SIGLEC8: variants seen among roughly 807,000 people sequenced by gnomAD.
SIGLEC8 encodes the protein sialic acid binding Ig like lectin 8.
SIGLEC8 carries 32 observed loss-of-function variants against 42.1 expected under a neutral mutation model. The observed-to-expected ratio is 0.76, with a 90% CI of 0.57 to 1.02. SIGLEC8 has a LOEUF of 1.02. Among genes scored for constraint, SIGLEC8 ranks in the 50% least tolerant of loss-of-function variants. The pLI is 0.00. For missense variants in SIGLEC8, 611 were observed against 610.2 expected (o/e 1.00, Z -0.01); for synonymous variants, 262 against 260.3 (o/e 1.01, Z -0.06).
intron 3 of SIGLEC8, among the ~76,000 whole-genome samples, chr19:51,456,646 C>G (rs954930807): frequency 6.6e-6 from 1 of 152,196 alleles, no homozygotes; most frequent in Non-Finnish European, 1.5e-5. Context: ...TGTCAAACCA[C>G]CTCTGAGATC....
At chr19:51,452,718 T>C in intron 6 of SIGLEC8, 85 bp from the exon 7 acceptor site, 1 of 1,280,898 alleles carries the variant, frequency 7.8e-7, no homozygotes, top group South Asian at 2.3e-5. Flanking sequence ...GCCCAGGAGG[T>C]CCGTCCTCCA....
At chr19:51,455,243 C>T (rs548055543) in intron 4 of SIGLEC8, among the ~76,000 whole-genome samples, 175 bp downstream of exon 4, 5 of 152,330 alleles carry the variant, frequency 3.3e-5, no homozygotes, top group African/African-American at 1.2e-4. Flanking sequence ...TCTCCCCACC[C>T]CGCACCCCTT....
chr19:51,454,266 C>A lies in SIGLEC8; in HGVS notation c.1198G>T (p.Asp400Tyr). 1 of 1,614,082 alleles carries A rather than the reference C, an allele frequency of 6.2e-7. No individual in the cohort carries two copies. The highest frequency in any genetic ancestry group is 8.5e-7 in the Non-Finnish European group (1 of 1,180,024). Residue 400 changes from aspartate to tyrosine, a missense_variant, in exon 6 of 7, where the codon GAT becomes TAT. Asp to Tyr is a radical substitution (Grantham distance 160). Transcript: ENST00000321424. This position sits in a 1 kb window ranked among gnomAD's most constrained non-coding sequence, Gnocchi z 4.7. Reference protein sequence around the residue: ...KSARPAAGVGDTGMEDAKAIR... With the variant: ...KSARPAAGVGYTGMEDAKAIR... Reference sequence around the variant, plus strand: ...GCCTTTGCATCTTCCATGCCTGTATCCCCCACGCCCGCTGCTGGCCTTGCC... The same window carrying A: ...GCCTTTGCATCTTCCATGCCTGTATACCCCACGCCCGCTGCTGGCCTTGCC...
At position 51,457,489 on chromosome 19, in the gene SIGLEC8, C is replaced by T. The variant is rs547613398; in HGVS notation, c.705G>A (p.Thr235=). ...QVTLPGTGVT[T]TSTVRLDVSY... ...ACACATCGAGGCGGACGGTACTGGT[C>T]GTGGTCACACCTGTCCCAGGCAAGG... The change falls in exon 2 of 7, where the codon ACG becomes ACA. Residue 235 remains threonine, a synonymous_variant. Transcript: ENST00000321424. The T allele has an allele frequency of 2.2e-5, 36 of 1,613,764 alleles. No homozygotes were observed. Among genetic ancestry groups the T allele is most frequent in the African/African-American group, 6.7e-5 (5 of 75,008 alleles).
At position 51,454,842 on chromosome 19, in the gene SIGLEC8, C is replaced by G. The variant is rs1389584861; in HGVS notation, c.1052-62G>C. The G allele has an allele frequency of 8.2e-7, 1 of 1,213,390 alleles. No homozygotes were observed. The highest frequency in any genetic ancestry group is 2.3e-5 in the East Asian group (1 of 42,790). 75.2% of individuals were successfully genotyped at this position (1,213,390 alleles called of 1,614,324 possible). On this transcript the variant is annotated intron_variant, in intron 4 of 6. Coordinates refer to ENST00000321424, the MANE Select transcript of SIGLEC8 (RefSeq NM_014442.3). This position sits in a 1 kb window ranked among gnomAD's most constrained non-coding sequence, Gnocchi z 4.7. ...CACGGAGAAGTGGGTCTCTTCCCCTCCCACTGTCTGCAGGGCCCTAGACTT... is the reference window on the plus strand; with the variant it reads ...CACGGAGAAGTGGGTCTCTTCCCCTGCCACTGTCTGCAGGGCCCTAGACTT...
Position 51,453,096 on chromosome 19 carries a change from G to GTT in SIGLEC8, c.1246-465_1246-464dup, listed in dbSNP as rs111880445. ...TTGTTTTGTTTTGTTTTGTTTTTTGGTTTTTTTTTTGAGACAGAGTCTGGC... is the reference window on the plus strand; with the variant it reads ...TTGTTTTGTTTTGTTTTGTTTTTTGGTTTTTTTTTTTTGAGACAGAGTCTGGC... On this transcript the variant is annotated intron_variant, in intron 6 of 6. Coordinates refer to ENST00000321424, the MANE Select transcript of SIGLEC8 (RefSeq NM_014442.3). Among the ~76,000 whole-genome samples, 5 of 149,556 alleles carry GTT rather than the reference G, an allele frequency of 3.3e-5. No individual in the cohort carries two copies. In the East Asian group the frequency reaches 5.9e-4, roughly 18 times the overall value.
intron 2 of SIGLEC8, 105 bp downstream of exon 2, chr19:51,457,356 G>A (rs778349051): frequency 1.3e-6 from 2 of 1,513,166 alleles, no homozygotes; most frequent in Non-Finnish European, 1.8e-6. Context: ...TCCCAGCCCA[G>A]ATTCTGGGAC....
At position 51,454,409 on chromosome 19, in the gene SIGLEC8, AG is replaced by A. The variant is rs1188956427; in HGVS notation, c.1149-95del. The A allele has an allele frequency of 6.2e-7, 1 of 1,606,502 alleles. No individual in the cohort carries two copies. Among genetic ancestry groups the A allele is most frequent in the Non-Finnish European group, 8.5e-7 (1 of 1,177,622 alleles). On this transcript the variant is annotated intron_variant, in intron 5 of 6. Transcript: ENST00000321424. This position sits in a 1 kb window ranked among gnomAD's most constrained non-coding sequence, Gnocchi z 4.7. ...CCCTGTATTTCCTACTGGGGGCTTGAGGGGTGACCGAGGCGCAACGGCGGTG... is the reference window on the plus strand; with the variant it reads ...CCCTGTATTTCCTACTGGGGGCTTGAGGGTGACCGAGGCGCAACGGCGGTG...
intron 6 of SIGLEC8, chr19:51,453,465 A>G: frequency 2.3e-6 from 2 of 855,164 alleles, no homozygotes; most frequent in Non-Finnish European, 2.8e-6. Context: ...TGGGAGGCTG[A>G]GGCGGGCGGA....
intron 3 of SIGLEC8, among the ~76,000 whole-genome samples, chr19:51,456,489 A>T (rs1168328593): frequency 6.6e-6 from 1 of 152,220 alleles, no homozygotes; most frequent in Non-Finnish European, 1.5e-5. Context: ...TTCCTGTGGA[A>T]GTAGATACAA....
Position 51,452,498 on chromosome 19 carries a change from G to C in SIGLEC8, c.1381C>G (p.Gln461Glu), listed in dbSNP as rs1463728901. 3 of 1,610,712 alleles carry C rather than the reference G, an allele frequency of 1.9e-6. No individual in the cohort carries two copies. The highest frequency in any genetic ancestry group is 2.5e-6 in the Non-Finnish European group (3 of 1,177,258). ...SFHKVKPQDP[Q>E]GQEATDSEYS... Reference sequence around the variant, plus strand: ...TCACTGTCAGTGGCCTCCTGTCCCTGCGGGTCCTGAGGCTTCACTTTATGG... The same window carrying C: ...TCACTGTCAGTGGCCTCCTGTCCCTCCGGGTCCTGAGGCTTCACTTTATGG... The change falls in exon 7 of 7, where the codon CAG (glutamine) becomes GAG (glutamate). Residue 461 changes from glutamine (Q) to glutamate (E), a missense_variant. By Grantham distance (29) the Gln-to-Glu change is conservative. Coordinates refer to ENST00000321424, the MANE Select transcript of SIGLEC8 (RefSeq NM_014442.3).
chr19:51,457,788 C>A (rs543917572), intron 1 of SIGLEC8, 49 bp from the exon 2 acceptor site: 13 of 1,554,784 alleles, frequency 8.4e-6, no homozygotes, highest in Non-Finnish European at 1.1e-5. Context: ...TCAGGTGCAG[C>A]CCTGGAGGAA....
chr19:51,451,309 TCAAA>T lies in SIGLEC8; in HGVS notation c.*1066_*1069del, dbSNP rs1224734306. ...TGGGTGGGGACACAGCCAAACCATA[TCAAA>T]CAAACAACCTGCAATAAAAAAAAAC... On this transcript the variant is annotated 3_prime_UTR_variant, in exon 7 of 7. Coordinates refer to ENST00000321424, the MANE Select transcript of SIGLEC8 (RefSeq NM_014442.3). 2.0e-5 allele frequency: 3 copies of T among 149,836 alleles called. No individual in the cohort carries two copies. Among genetic ancestry groups the T allele is most frequent in the South Asian group, 2.1e-4 (1 of 4,728 alleles). The allele number at this position is 149,836 out of a possible 1,614,324, so 9.3% of individuals were successfully genotyped here.
In SIGLEC8 at chr19:51,452,568, G is replaced by C; in HGVS notation, c.1311C>G (p.Pro437=). 6.3e-7 allele frequency: 1 copy of C among 1,586,332 alleles called. No individual in the cohort carries two copies. Among genetic ancestry groups the C allele is most frequent in the Non-Finnish European group, 8.6e-7 (1 of 1,159,480 alleles). The part of the protein sequence containing the change: ...PLKKPPPAVA[P]SSGEEGELHY... ...GGAGCTCTCCTTCCTCCCCTGACGA[G>C]GGGGCAACAGCTGGGGGAGGCTTCT... The change falls in exon 7 of 7, where the codon CCC becomes CCG. Residue 437 remains proline, a synonymous_variant. Coordinates refer to ENST00000321424, the MANE Select transcript of SIGLEC8 (RefSeq NM_014442.3).
rs376442676 is a variant in SIGLEC8 at position 51,454,272 on chromosome 19, C to T, written c.1192G>A (p.Val398Met). The T allele has an allele frequency of 8.5e-5, 138 of 1,614,082 alleles. No individual in the cohort carries two copies. The highest frequency in any genetic ancestry group is 5.3e-4 in the South Asian group (48 of 91,082). Residue 398 changes from valine (V) to methionine (M), a missense_variant, in exon 6 of 7, where the codon GTG becomes ATG. Transcript: ENST00000321424. This position sits in a 1 kb window ranked among gnomAD's most constrained non-coding sequence, Gnocchi z 4.7. ...GCATCTTCCATGCCTGTATCCCCCA[C>T]GCCCGCTGCTGGCCTTGCCGATTTC... ...RKKSARPAAG[V>M]GDTGMEDAKA...
intron 2 of SIGLEC8, 30 bp downstream of exon 2, chr19:51,457,431 G>A (rs1989520427): frequency 6.2e-7 from 1 of 1,612,162 alleles, no homozygotes; most frequent in East Asian, 2.2e-5. Flanking sequence ...CAACCCATGA[G>A]GGACCTGGGC....
rs1485107481 is a variant in SIGLEC8, at chr19:51,451,185, C to T, written c.*1194G>A. The T allele has an allele frequency of 1.3e-5, 2 of 152,088 alleles. No individual in the cohort carries two copies. The highest frequency in any genetic ancestry group is 4.8e-5 in the African/African-American group (2 of 41,386). The allele number at this position is 152,088 out of a possible 1,614,324, so 9.4% of individuals were successfully genotyped here. ...CGTGATAACTCACTCACTATCAGAA[C>T]AGCATGGGGGAACCACCCCCATGAT... On this transcript the variant is annotated 3_prime_UTR_variant, in exon 7 of 7. Coordinates refer to ENST00000321424, the MANE Select transcript of SIGLEC8 (RefSeq NM_014442.3).
Position 51,457,710 on chromosome 19 carries a change from G to A in SIGLEC8, c.484C>T (p.Leu162=), listed in dbSNP as rs895145156. 1.9e-6 allele frequency: 3 copies of A among 1,593,122 alleles called. No individual in the cohort carries two copies. Among genetic ancestry groups the A allele is most frequent in the African/African-American group, 1.3e-5 (1 of 74,424 alleles). ...ALTHRPDILI[L]GTLESGHSRN... ...GAGTGGCCAGACTCTAGGGTCCCTA[G>A]GATGAGGATGTCAGGCCTATGGGTC... Residue 162 remains leucine (L), a synonymous_variant, in exon 2 of 7, where the codon CTA becomes TTA. Coordinates refer to ENST00000321424, the MANE Select transcript of SIGLEC8 (RefSeq NM_014442.3).
intron 2 of SIGLEC8, 27 bp downstream of exon 2, chr19:51,457,434 A>T: frequency 6.2e-7 from 1 of 1,612,550 alleles, no homozygotes; most frequent in Non-Finnish European, 8.5e-7. Context: ...CCCATGAGGG[A>T]CCTGGGCATC....
Sources: gnomAD v4.1 joint callset for allele counts (sites outside exome capture counted in the v4.1 genomes callset) on GRCh38, gnomAD v4.1.1 for gene constraint, Gnocchi (gnomAD v3.1) non-coding constraint, MANE v1.5 for transcripts, NCBI Gene and HGNC (gene_info 2026-07-23, HGNC 2026-07-21) for gene names.